CAST: variants seen among roughly 807,000 people sequenced by gnomAD.
CAST encodes MIR583 host.
Under a neutral mutation model 119.6 loss-of-function variants are expected in CAST, and 76 were observed. That is an observed-to-expected ratio of 0.64 (90% confidence interval 0.53 to 0.77). The LOEUF (loss-of-function observed/expected upper bound fraction) is 0.77. CAST is among the 30% of genes least tolerant of loss of function. The pLI, the probability that CAST is intolerant of heterozygous loss-of-function variation, is 0.00. For missense variants in CAST, 953 were observed against 946.5 expected (o/e 1.01, Z -0.09); for synonymous variants, 319 against 331.6 (o/e 0.96, Z 0.41).
upstream of CAST, among the ~76,000 whole-genome samples, chr5:96,524,843 G>T (rs1745574105): frequency 6.6e-6 from 1 of 152,158 alleles, no homozygotes. Context: ...CCCACATGTT[G>T]GTTAATATTG....
At chr5:96,432,026 A>C in the CAST span, 20 of 1,258,786 alleles carry the variant, frequency 1.6e-5, no homozygotes, top group Non-Finnish European at 1.9e-5. Flanking sequence ...CTATCGACCA[A>C]GCCTTCACTT....
chr5:96,592,787 CAG>C (rs1486064566), intron 1 of CAST, among the ~76,000 whole-genome samples: 2 of 149,294 alleles, frequency 1.3e-5, no homozygotes, highest in African/African-American at 2.5e-5. Context: ...TTTTTTGAGA[CAG>C]AGTCTTGCTC....
At chr5:95,962,037 G>A in the CAST span, 2 of 405,976 alleles carry the variant, frequency 4.9e-6, no homozygotes, top group Non-Finnish European at 8.7e-6. Flanking sequence ...CGTCCGAGAG[G>A]TAAGAGGCTG....
the CAST span, among the ~76,000 whole-genome samples, chr5:96,495,135 A>AAAAC: frequency 7.0e-3 from 1,027 of 146,528 alleles, 18 homozygotes; most frequent in African/African-American, 0.017. Flanking sequence ...AAAAAAAAAA[A>AAAAC]AAAAAGTGTG....
chr5:96,400,979 C>CGGG, the CAST span, among the ~76,000 whole-genome samples: 1 of 143,852 alleles, frequency 7.0e-6, no homozygotes, highest in East Asian at 2.1e-4. Context: ...CCCAGCTACT[C>CGGG]GGGAGGCTGA....
intron 1 of CAST, among the ~76,000 whole-genome samples, chr5:96,558,343 A>C (rs1176121597): frequency 2.6e-5 from 4 of 151,014 alleles, no homozygotes; most frequent in Admixed American, 1.3e-4. Flanking sequence ...GAAGGCAAGA[A>C]ATAACTAAGA....
At chr5:96,357,039 G>A in the CAST span, among the ~76,000 whole-genome samples, 2 of 152,084 alleles carry the variant, frequency 1.3e-5, no homozygotes, top group African/African-American at 4.8e-5. Context: ...CCTTGAAGAG[G>A]TCCTTCACAT....
In CAST at chr5:96,756,076, G is replaced by A. The variant is rs185133895; in HGVS notation, c.1710+1335G>A. Among the ~76,000 whole-genome samples, 177 of 152,240 alleles carry A rather than the reference G, an allele frequency of 1.2e-3. 1 individual carries two copies. Among genetic ancestry groups the A allele is most frequent in the Admixed American group, 9.3e-3 (143 of 15,302 alleles). On this transcript the variant is annotated intron_variant, in intron 22 of 31. Transcript: ENST00000675179. The stretch of plus-strand genomic sequence containing the variant: ...CATCCTCCTCTGACTTACCTCACAC[G>A]TTATTAGTTACCTATTAATAACATT...
the CAST span, among the ~76,000 whole-genome samples, chr5:96,146,160 T>C: frequency 3.9e-5 from 6 of 152,228 alleles, no homozygotes; most frequent in African/African-American, 1.2e-4. Context: ...CTCTGATCTA[T>C]ATAGCAAGGC....
At chr5:96,647,713 A>G (rs1002789787) in intron 1 of CAST, among the ~76,000 whole-genome samples, 1 of 152,198 alleles carries the variant, frequency 6.6e-6, no homozygotes, top group Non-Finnish European at 1.5e-5. Context: ...ACACCGTGTG[A>G]GAGTGGAATT....
chr5:96,280,213 A>G, the CAST span, among the ~76,000 whole-genome samples: 3 of 152,136 alleles, frequency 2.0e-5, no homozygotes, highest in African/African-American at 2.4e-5. Context: ...AAATTACCGT[A>G]AATTCATTCT....
the CAST span, among the ~76,000 whole-genome samples, chr5:96,033,711 G>A: frequency 6.6e-6 from 1 of 152,072 alleles, no homozygotes; most frequent in Non-Finnish European, 1.5e-5. Context: ...AGAAAATAGA[G>A]TTGAAAAAGC....
chr5:96,481,105 C>A, the CAST span, among the ~76,000 whole-genome samples: 1 of 138,066 alleles, frequency 7.2e-6, no homozygotes, highest in African/African-American at 3.1e-5. Flanking sequence ...AGCTCTCAAT[C>A]AAAGTTTTTT....
At chr5:96,184,274 C>T in the CAST span, among the ~76,000 whole-genome samples, 1 of 152,216 alleles carries the variant, frequency 6.6e-6, no homozygotes, top group African/African-American at 2.4e-5. Flanking sequence ...GTTGGAAGCA[C>T]TCTCTTACTT....
chr5:96,672,706 CAAAAAAAAAA>C (rs11427288), intron 1 of CAST, among the ~76,000 whole-genome samples: 4 of 59,168 alleles, frequency 6.8e-5, no homozygotes, highest in South Asian at 7.0e-4. Context: ...GACTCAGTCT[CAAAAAAAAAA>C]AAAAAAAAAA....
At chr5:96,339,137 A>T in the CAST span, among the ~76,000 whole-genome samples, 1 of 152,228 alleles carries the variant, frequency 6.6e-6, no homozygotes, top group Admixed American at 6.5e-5. Flanking sequence ...GATTGTTGCC[A>T]GTTACCAACA....
At chr5:96,306,008 G>A in the CAST span, among the ~76,000 whole-genome samples, 3,232 of 152,144 alleles carry the variant, frequency 0.021, 113 homozygotes, top group African/African-American at 0.074. Flanking sequence ...CTGTTGCTTG[G>A]AATACTTTCT....
At chr5:96,304,154 A>G in the CAST span, among the ~76,000 whole-genome samples, 1 of 152,144 alleles carries the variant, frequency 6.6e-6, no homozygotes, top group East Asian at 1.9e-4. Flanking sequence ...AACTGGCGAG[A>G]GATGGTATCT....
the CAST span, among the ~76,000 whole-genome samples, chr5:96,103,259 T>C: frequency 6.6e-6 from 1 of 151,940 alleles, no homozygotes; most frequent in East Asian, 1.9e-4. Context: ...GCAGGTTAGT[T>C]ACATATGTAT....
Sources: gnomAD v4.1 joint callset for allele counts (sites outside exome capture counted in the v4.1 genomes callset) on GRCh38, gnomAD v4.1.1 for gene constraint, MANE v1.5 for transcripts, NCBI Gene and HGNC (gene_info 2026-07-23, HGNC 2026-07-21) for gene names.